The following PRTG variants were observed in gnomAD, a reference collection of about 807,000 sequenced individuals.
PRTG encodes protogenin.
PRTG carries 67 observed loss-of-function variants against 122.5 expected under a neutral mutation model. The ratio of observed to expected loss-of-function variants is 0.55; its 90% CI spans 0.45 to 0.67. The LOEUF is 0.67. Ranked by LOEUF, PRTG falls within the 30% of genes least tolerant of loss-of-function variation. The pLI is 0.00. For synonymous variants in PRTG, 554 were observed against 501.1 expected (o/e 1.11, Z -1.41); for missense variants, 1,435 against 1,415.4 (o/e 1.01, Z -0.22).
rs1347643802 is a variant in PRTG, at chr15:55,615,777, A to G, written c.*4235T>C. ...TACATTCAGTGAAACAGAAATGTAT[A>G]TAAGTGAACCACTATAGCTACTGCT... On this transcript the variant is annotated 3_prime_UTR_variant, in exon 20 of 20. Transcript: ENST00000389286. 2.6e-5 allele frequency: 4 copies of G among 152,138 alleles called. No individual in the cohort carries two copies. Among genetic ancestry groups the G allele is most frequent in the Non-Finnish European group, 5.9e-5 (4 of 67,978 alleles). The allele number at this position is 152,138 out of a possible 1,614,324, so 9.4% of individuals were successfully genotyped here.
chr15:55,677,023 A>G (rs1329475404), intron 8 of PRTG, among the ~76,000 whole-genome samples: 1 of 152,182 alleles, frequency 6.6e-6, no homozygotes, highest in Non-Finnish European at 1.5e-5. Flanking sequence ...CGTATATTCC[A>G]TAAAAGCTAG....
intron 11 of PRTG, among the ~76,000 whole-genome samples, chr15:55,644,760 T>C (rs1324427431): frequency 3.3e-5 from 5 of 151,896 alleles, no homozygotes; most frequent in Admixed American, 2.0e-4. Flanking sequence ...TCTATCCAAA[T>C]AGAAAAGTTT....
chr15:55,640,493 T>A (rs1189033244), intron 12 of PRTG, among the ~76,000 whole-genome samples: 1 of 152,000 alleles, frequency 6.6e-6, no homozygotes, highest in African/African-American at 2.4e-5. Flanking sequence ...AGAAAACCAG[T>A]GGGGGACTTA....
intron 2 of PRTG, among the ~76,000 whole-genome samples, chr15:55,717,118 T>C (rs899148835): frequency 1.3e-5 from 2 of 152,204 alleles, no homozygotes; most frequent in Non-Finnish European, 2.9e-5. Context: ...CATCCTGATA[T>C]CACAAGAGAT....
chr15:55,742,898 G>A lies in PRTG; in HGVS notation c.34C>T (p.Arg12Ter). The change falls in exon 1 of 20, where the codon CGA becomes TGA. Residue 12 changes from arginine to a stop codon, truncating the protein, a stop_gained. Coordinates refer to ENST00000389286, the MANE Select transcript of PRTG (RefSeq NM_173814.6). LOFTEE classifies it high-confidence loss of function. ...GCGCGGAGCAGCATCCCCGGCGGTCGCAGCCGGGCGAGGGGTCGCAGAGGA... is the reference window on the plus strand; with the variant it reads ...GCGCGGAGCAGCATCCCCGGCGGTCACAGCCGGGCGAGGGGTCGCAGAGGA... Reference protein sequence around the residue: ...APPLRPLARLRPPGMLLRALL... With the variant: ...APPLRPLARL 1 of 1,529,826 alleles carries A rather than the reference G, an allele frequency of 6.5e-7. No homozygotes were observed. The highest frequency in any genetic ancestry group is 1.2e-5 in the South Asian group (1 of 83,008). 94.8% of individuals were successfully genotyped at this position (1,529,826 alleles called of 1,614,324 possible). A position where few individuals can be genotyped will look rare whatever the true frequency, so the allele number is the denominator to read the frequency against.
chr15:55,729,086 G>T (rs2031140133), intron 2 of PRTG, among the ~76,000 whole-genome samples: 1 of 152,200 alleles, frequency 6.6e-6, no homozygotes, highest in Admixed American at 6.5e-5. Context: ...TCAAGAAAGT[G>T]AAAAGGCAAA....
chr15:55,627,194 A>G, intron 16 of PRTG, 66 bp from the exon 17 acceptor site: 2 of 1,295,522 alleles, frequency 1.5e-6, no homozygotes, highest in Non-Finnish European at 2.0e-6. Flanking sequence ...TATAATTCTC[A>G]GGTACTTGCT....
chr15:55,732,729 G>A (rs2031278938), intron 2 of PRTG, among the ~76,000 whole-genome samples: 1 of 151,954 alleles, frequency 6.6e-6, no homozygotes, highest in Admixed American at 6.6e-5. Flanking sequence ...CCCAACCTCA[G>A]GTGATCCGCC....
At chr15:55,662,164 T>C (rs2059413826) in intron 11 of PRTG, among the ~76,000 whole-genome samples, 2 of 152,254 alleles carry the variant, frequency 1.3e-5, no homozygotes, top group Non-Finnish European at 2.9e-5. Context: ...GCTGTCTTTC[T>C]TCTTTCTCCA....
intron 2 of PRTG, among the ~76,000 whole-genome samples, chr15:55,699,018 T>C (rs763572290): frequency 3.9e-5 from 6 of 152,160 alleles, no homozygotes; most frequent in Non-Finnish European, 8.8e-5. Context: ...ACTGCTGCCA[T>C]TCCTTCCAGT....
intron 2 of PRTG, among the ~76,000 whole-genome samples, chr15:55,702,312 G>A (rs1476350897): frequency 2.0e-5 from 3 of 152,114 alleles, no homozygotes; most frequent in Admixed American, 6.5e-5. Flanking sequence ...CAGGAGCTTA[G>A]GATATCTTGT....
intron 16 of PRTG, 29 bp downstream of exon 16, chr15:55,628,793 A>T (rs374766714): frequency 6.5e-7 from 1 of 1,544,368 alleles, no homozygotes; most frequent in Non-Finnish European, 8.8e-7. Context: ...TCTTAAGAAA[A>T]ATCACAGTGA....
At chr15:55,626,765 T>G (rs919494743) in intron 17 of PRTG, among the ~76,000 whole-genome samples, 2 of 147,970 alleles carry the variant, frequency 1.4e-5, no homozygotes, top group African/African-American at 2.5e-5. Context: ...CTCAAAAAAA[T>G]AAAAGAAAAG....
At chr15:55,722,014 C>T (rs146833601) in intron 2 of PRTG, among the ~76,000 whole-genome samples, 11 of 152,308 alleles carry the variant, frequency 7.2e-5, no homozygotes, top group African/African-American at 2.6e-4. Context: ...CACTCCCTAA[C>T]TGCCCCTTCC....
At chr15:55,641,011 C>T in intron 12 of PRTG, 102 bp downstream of exon 12, 1 of 816,286 alleles carries the variant, frequency 1.2e-6, no homozygotes, top group Non-Finnish European at 2.0e-6. Context: ...GAAATTAAGC[C>T]ACCAAAGCTT....
At chr15:55,692,747 T>G (rs574895587) in intron 2 of PRTG, among the ~76,000 whole-genome samples, 9 of 151,896 alleles carry the variant, frequency 5.9e-5, no homozygotes, top group African/African-American at 2.2e-4. Context: ...AAGGCTATCA[T>G]TAAGATTTAC....
chr15:55,628,386 G>GAAAAAAA (rs35201571), intron 16 of PRTG, among the ~76,000 whole-genome samples: 1 of 142,702 alleles, frequency 7.0e-6, no homozygotes. Flanking sequence ...GACAGAGAGG[G>GAAAAAAA]AAAAAAAAAA....
chr15:55,668,020 A>T lies in PRTG; in HGVS notation c.2041+4425T>A, dbSNP rs528840665. Among the ~76,000 whole-genome samples the T allele has an allele frequency of 3.3e-5, 5 of 152,294 alleles. No individual in the cohort carries two copies. In the East Asian group the frequency reaches 9.6e-4, roughly 29 times the overall value. ...TAGGAGGATTGCTTGAGCCTGGGAG[A>T]CAGGTTGCAGTGAGCCGAGATGGCA... On this transcript the variant is annotated intron_variant, in intron 11 of 19. Transcript: ENST00000389286.
intron 2 of PRTG, among the ~76,000 whole-genome samples, chr15:55,689,198 A>T (rs2059586882): frequency 3.3e-5 from 5 of 152,166 alleles, no homozygotes; most frequent in African/African-American, 1.2e-4. Context: ...TATCCATTCA[A>T]AGGCTTCTAT....
Sources: allele counts gnomAD v4.1 joint callset (sites outside exome capture counted in the v4.1 genomes callset), GRCh38; gene constraint gnomAD v4.1.1; transcripts MANE v1.5; gene names NCBI Gene and HGNC (gene_info 2026-07-23, HGNC 2026-07-21).